BABAM2: variants seen among roughly 807,000 people sequenced by gnomAD.
The protein encoded by BABAM2 is BRISC and BRCA1-A complex member 2.
A neutral mutation model predicts 54.7 loss-of-function variants in BABAM2; 31 were observed. That is an observed-to-expected ratio of 0.57 (90% CI 0.43 to 0.77). The LOEUF is 0.77. BABAM2 is among the 30% of genes least tolerant of loss of function. The pLI is 0.00. For missense variants in BABAM2, 364 were observed against 455.8 expected (o/e 0.80, Z 1.83); for synonymous variants, 167 against 162.9 (o/e 1.03, Z -0.19).
intron 2 of BABAM2, among the ~76,000 whole-genome samples, chr2:27,929,441 T>C (rs966164000): frequency 6.6e-6 from 1 of 152,148 alleles, no homozygotes; most frequent in African/African-American, 2.4e-5. Context: ...ACTAACAGAA[T>C]GAAAGCTAAG....
At chr2:28,068,417 A>G (rs182664044) in intron 6 of BABAM2, among the ~76,000 whole-genome samples, 1 of 152,190 alleles carries the variant, frequency 6.6e-6, no homozygotes, top group East Asian at 1.9e-4. Flanking sequence ...TAAAATACTG[A>G]GTTTATAACT....
chr2:27,946,709 G>A (rs914238185), intron 3 of BABAM2, among the ~76,000 whole-genome samples: 5 of 152,058 alleles, frequency 3.3e-5, no homozygotes, highest in Non-Finnish European at 7.4e-5. Flanking sequence ...AGAGGAGAGA[G>A]AGAGAGAGCA....
At chr2:28,181,543 A>T (rs1226389985) in intron 7 of BABAM2, among the ~76,000 whole-genome samples, 3 of 152,218 alleles carry the variant, frequency 2.0e-5, no homozygotes. Flanking sequence ...ATTTCAAAAT[A>T]GCTAGAAGAA....
At chr2:28,335,371 T>C (rs1022237209) in intron 11 of BABAM2, among the ~76,000 whole-genome samples, 10 of 152,194 alleles carry the variant, frequency 6.6e-5, no homozygotes, top group Non-Finnish European at 1.2e-4. Flanking sequence ...GGTTTCGCCA[T>C]GTTGGCCAGG....
At chr2:28,154,776 TAAATAAAAGATTTCTTC>T (rs1457155511) in intron 7 of BABAM2, among the ~76,000 whole-genome samples, 1 of 152,210 alleles carries the variant, frequency 6.6e-6, no homozygotes, top group Non-Finnish European at 1.5e-5. Flanking sequence ...TAGAAAAGGT[TAAATAAAAGATTTCTTC>T]AAAATGGCTC....
At chr2:28,026,132 T>A (rs1309708402) in intron 5 of BABAM2, among the ~76,000 whole-genome samples, 1 of 152,154 alleles carries the variant, frequency 6.6e-6, no homozygotes, top group Non-Finnish European at 1.5e-5. Context: ...ACACTGTTGG[T>A]GGGAGTGTAA....
At chr2:28,229,405 TA>T (rs1681172308) in intron 7 of BABAM2, among the ~76,000 whole-genome samples, 1 of 152,178 alleles carries the variant, frequency 6.6e-6, no homozygotes, top group African/African-American at 2.4e-5. Context: ...GAAAAGCACT[TA>T]ATACAGGACA....
chr2:28,124,110 G>C (rs1669298823), intron 6 of BABAM2, among the ~76,000 whole-genome samples: 1 of 152,150 alleles, frequency 6.6e-6, no homozygotes, highest in Non-Finnish European at 1.5e-5. Flanking sequence ...CTCTAGCCTT[G>C]ACCTTACATA....
rs1428029158 is a variant in BABAM2 at position 28,000,688 on chromosome 2, C to T, written c.300+12601C>T. ...CTACTGCCTGGAAGATTTGTCTATT[C>T]TCTCCATTTATTAATTTATTCAATC... is the stretch of plus-strand genomic sequence containing the variant. On this transcript the variant is annotated intron_variant, in intron 4 of 11. Coordinates refer to ENST00000379624, the MANE Select transcript of BABAM2 (RefSeq NM_199191.3). Among the ~76,000 whole-genome samples, 8 of 152,192 alleles carry T rather than the reference C, an allele frequency of 5.3e-5. No homozygotes were observed. The East Asian group carries it at 1.2e-3, about 22-fold the overall frequency.
At chr2:28,270,449 C>G (rs1393214543) in intron 10 of BABAM2, among the ~76,000 whole-genome samples, 1 of 152,172 alleles carries the variant, frequency 6.6e-6, no homozygotes, top group African/African-American at 2.4e-5. Context: ...TAAATTATCT[C>G]TTTAAAAAGG....
chr2:28,055,003 G>C (rs1425886995), intron 6 of BABAM2, among the ~76,000 whole-genome samples: 1 of 152,134 alleles, frequency 6.6e-6, no homozygotes, highest in Non-Finnish European at 1.5e-5. Flanking sequence ...GCAAAAACAT[G>C]GAATCAACTT....
At chr2:28,082,805 C>G (rs896070523) in intron 6 of BABAM2, among the ~76,000 whole-genome samples, 5 of 152,188 alleles carry the variant, frequency 3.3e-5, no homozygotes, top group Non-Finnish European at 7.3e-5. Flanking sequence ...TCTGCTGCCT[C>G]TTGTCTTTAC....
At chr2:28,327,221 C>T (rs532386741) in intron 11 of BABAM2, 98 of 1,549,024 alleles carry the variant, frequency 6.3e-5, no homozygotes, top group Non-Finnish European at 8.0e-5. Context: ...TCCCTCCCTC[C>T]ATTTAGCCAG....
intron 2 of BABAM2, among the ~76,000 whole-genome samples, chr2:27,911,809 C>T (rs1666624730): frequency 6.6e-6 from 1 of 152,086 alleles, no homozygotes; most frequent in Non-Finnish European, 1.5e-5. Flanking sequence ...CCACTAGCAG[C>T]CATTTATATG....
At chr2:28,292,513 A>G (rs1325690157) in intron 10 of BABAM2, among the ~76,000 whole-genome samples, 15 of 152,190 alleles carry the variant, frequency 9.9e-5, no homozygotes, top group Non-Finnish European at 1.8e-4. Flanking sequence ...AGACCCTATT[A>G]TAAGAGGTTT....
At chr2:28,089,370 C>T (rs1665964611) in intron 6 of BABAM2, among the ~76,000 whole-genome samples, 1 of 152,154 alleles carries the variant, frequency 6.6e-6, no homozygotes, top group South Asian at 2.1e-4. Context: ...TATGTCTTGG[C>T]CACCTCTTTC....
At chr2:28,058,483 G>A (rs901394178) in intron 6 of BABAM2, among the ~76,000 whole-genome samples, 1 of 151,808 alleles carries the variant, frequency 6.6e-6, no homozygotes, top group East Asian at 1.9e-4. Flanking sequence ...CAGGGCTCAA[G>A]GTGATAGAAA....
intron 10 of BABAM2, among the ~76,000 whole-genome samples, chr2:28,254,506 C>T (rs376813610): frequency 1.4e-5 from 2 of 147,028 alleles, no homozygotes; most frequent in Non-Finnish European, 3.0e-5. Flanking sequence ...GTCCTGAGAA[C>T]CTGTTAATTA....
At chr2:28,125,338 G>C (rs1669422896) in intron 6 of BABAM2, among the ~76,000 whole-genome samples, 1 of 151,870 alleles carries the variant, frequency 6.6e-6, no homozygotes, top group Admixed American at 6.6e-5. Flanking sequence ...CTGTCAGCCA[G>C]GCTGGAGTGC....
Sources: gnomAD v4.1 joint callset for allele counts (sites outside exome capture counted in the v4.1 genomes callset) on GRCh38, gnomAD v4.1.1 for gene constraint, MANE v1.5 for transcripts, NCBI Gene and HGNC (gene_info 2026-07-23, HGNC 2026-07-21) for gene names.